Variants in NOX4 observed in about 807,000 individuals in gnomAD.
The protein encoded by NOX4 is kidney oxidase-1.
In NOX4, 69 loss-of-function variants were observed where a neutral mutation model predicts 87.6. The observed-to-expected ratio is 0.79, with a 90% CI of 0.65 to 0.96. The LOEUF (loss-of-function observed/expected upper bound fraction) is 0.96. Ranked by LOEUF, NOX4 falls within the 40% of genes least tolerant of loss-of-function variation. The pLI, the probability that NOX4 is intolerant of heterozygous loss-of-function variation, is 0.00. For synonymous variants in NOX4, 275 were observed against 238.2 expected (o/e 1.15, Z -1.42); for missense variants, 680 against 681.5 (o/e 1.00, Z 0.02).
At position 89,358,592 on chromosome 11, in the gene NOX4, AATG is replaced by A. The variant is rs1303256064; in HGVS notation, c.1136-3552_1136-3550del. Among the ~76,000 whole-genome samples, 7 of 151,706 alleles carry A rather than the reference AATG, an allele frequency of 4.6e-5. No individual in the cohort carries two copies. The South Asian group carries it at 8.3e-4, about 18-fold the overall frequency. On this transcript the variant is annotated intron_variant, in intron 12 of 17. Coordinates refer to ENST00000263317, the MANE Select transcript of NOX4 (RefSeq NM_016931.5). ...ATTTATTTCTTTATAAAAATAGATA[AATG>A]ATAACAATTATCCTTAGAAAAGTTC...
intron 3 of NOX4, 36 bp downstream of exon 3, chr11:89,451,749 A>T: frequency 1.4e-6 from 2 of 1,391,076 alleles, no homozygotes; most frequent in Non-Finnish European, 2.0e-6. Context: ...CTTGATTTTT[A>T]TGCTGGAATT....
chr11:89,489,343 C>A (rs1946754819), intron 2 of NOX4, among the ~76,000 whole-genome samples: 1 of 151,970 alleles, frequency 6.6e-6, no homozygotes, highest in Non-Finnish European at 1.5e-5. Context: ...GTGTTTTTTT[C>A]TGCACCCCCC....
intron 13 of NOX4, among the ~76,000 whole-genome samples, chr11:89,352,613 C>T (rs1021215922): frequency 1.3e-5 from 2 of 152,034 alleles, no homozygotes; most frequent in Non-Finnish European, 2.9e-5. Context: ...TGATTTGAGC[C>T]CTCATGGATA....
At chr11:89,369,033 T>G (rs1939236705) in intron 12 of NOX4, among the ~76,000 whole-genome samples, 2 of 152,254 alleles carry the variant, frequency 1.3e-5, no homozygotes, top group South Asian at 4.1e-4. Flanking sequence ...TGGAGCTATT[T>G]TAAACCTGTT....
intron 2 of NOX4, among the ~76,000 whole-genome samples, chr11:89,465,619 C>G (rs1421643650): frequency 6.6e-6 from 1 of 152,180 alleles, no homozygotes; most frequent in Non-Finnish European, 1.5e-5. Context: ...CATTCTATTT[C>G]TCCACATCTT....
At chr11:89,350,265 A>G (rs1946400476) in intron 13 of NOX4, among the ~76,000 whole-genome samples, 1 of 152,176 alleles carries the variant, frequency 6.6e-6, no homozygotes, top group South Asian at 2.1e-4. Context: ...TGCAGGAGTT[A>G]TTTTTTAAAT....
intron 11 of NOX4, among the ~76,000 whole-genome samples, chr11:89,394,124 T>C (rs1369794958): frequency 3.3e-5 from 5 of 152,148 alleles, no homozygotes; most frequent in Non-Finnish European, 7.4e-5. Context: ...GTGTTTTCCC[T>C]TTGCCTTGTG....
chr11:89,383,085 C>A (rs141214233), intron 11 of NOX4, among the ~76,000 whole-genome samples: 3,039 of 152,190 alleles, frequency 0.02, 96 homozygotes, highest in African/African-American at 0.069. Context: ...AACCCCACAA[C>A]AGGAATTAAT....
the NOX4 span, among the ~76,000 whole-genome samples, chr11:89,503,256 G>A: frequency 2.6e-5 from 4 of 151,852 alleles, no homozygotes; most frequent in African/African-American, 7.2e-5. Flanking sequence ...AGGTCACAGA[G>A]AGATAAGTCC....
intron 8 of NOX4, among the ~76,000 whole-genome samples, chr11:89,410,676 C>A (rs1591155437): frequency 6.6e-6 from 1 of 152,196 alleles, no homozygotes; most frequent in Non-Finnish European, 1.5e-5. Flanking sequence ...AGCATTTAGA[C>A]CCAGTACTAG....
chr11:89,572,913 C>A, the NOX4 span, among the ~76,000 whole-genome samples: 4 of 151,924 alleles, frequency 2.6e-5, no homozygotes, highest in African/African-American at 9.7e-5. Context: ...CTTATGTAGT[C>A]TTATACTTTA....
intron 17 of NOX4, among the ~76,000 whole-genome samples, chr11:89,335,103 T>C (rs1406785111): frequency 2.0e-5 from 3 of 151,776 alleles, no homozygotes; most frequent in Non-Finnish European, 3.0e-5. Context: ...TTTACAACTG[T>C]GTAAACTTAT....
At chr11:89,374,349 C>T (rs1007270795) in intron 11 of NOX4, among the ~76,000 whole-genome samples, 1 of 152,090 alleles carries the variant, frequency 6.6e-6, no homozygotes. Flanking sequence ...GACTAACATC[C>T]TGTTGGATAT....
At chr11:89,516,880 G>A in the NOX4 span, among the ~76,000 whole-genome samples, 1 of 151,884 alleles carries the variant, frequency 6.6e-6, no homozygotes. Context: ...AGTTCTTTCT[G>A]CCAGAAAGCC....
intron 5 of NOX4, among the ~76,000 whole-genome samples, chr11:89,441,014 C>G (rs1944431139): frequency 6.6e-6 from 1 of 152,128 alleles, no homozygotes; most frequent in South Asian, 2.1e-4. Flanking sequence ...TGGTTTTAAG[C>G]CCATCTTTGA....
chr11:89,428,156 G>A (rs939152382), intron 7 of NOX4, among the ~76,000 whole-genome samples: 11 of 152,156 alleles, frequency 7.2e-5, no homozygotes, highest in Non-Finnish European at 1.3e-4. Flanking sequence ...ATCCTTTACA[G>A]ACAAGCAAAT....
rs1946352221 is a variant in NOX4 at position 89,349,292 on chromosome 11, T to C, written c.1217+5670A>G. Among the ~76,000 whole-genome samples the C allele has an allele frequency of 3.3e-5, 3 of 89,686 alleles. No homozygotes were observed. The South Asian group carries it at 9.2e-4, about 27-fold the overall frequency. The allele number at this position is 89,686 out of a possible 152,430, so 58.8% of individuals were successfully genotyped here. A position where few individuals can be genotyped will look rare whatever the true frequency, so the allele number is the denominator to read the frequency against. On this transcript the variant is annotated intron_variant, in intron 13 of 17. Coordinates refer to ENST00000263317, the MANE Select transcript of NOX4 (RefSeq NM_016931.5). Reference sequence around the variant, plus strand: ...ACAGAGCGAGACTCTGTCTAAAAAATAAAATAAAATAAAATAAAATAAAAT... The same window carrying C: ...ACAGAGCGAGACTCTGTCTAAAAAACAAAATAAAATAAAATAAAATAAAAT...
At chr11:89,469,816 T>C (rs1239399918) in intron 2 of NOX4, among the ~76,000 whole-genome samples, 1 of 152,192 alleles carries the variant, frequency 6.6e-6, no homozygotes, top group African/African-American at 2.4e-5. Context: ...ATGTAAATCT[T>C]GACAAAGGCT....
intron 2 of NOX4, among the ~76,000 whole-genome samples, chr11:89,454,028 A>G (rs1945080569): frequency 6.6e-6 from 1 of 152,146 alleles, no homozygotes; most frequent in Non-Finnish European, 1.5e-5. Flanking sequence ...TTATCATTAA[A>G]GAAAGCCCAG....
Sources: allele counts gnomAD v4.1 joint callset (sites outside exome capture counted in the v4.1 genomes callset), GRCh38; gene constraint gnomAD v4.1.1; transcripts MANE v1.5; gene names NCBI Gene and HGNC (gene_info 2026-07-23, HGNC 2026-07-21).